TMEM51: variants seen among roughly 807,000 people sequenced by gnomAD.
TMEM51 encodes the protein transmembrane protein 51.
Under a neutral mutation model 13.6 loss-of-function variants are expected in TMEM51, and 8 were observed. The observed-to-expected ratio is 0.59, with a 90% confidence interval of 0.35 to 1.07. The LOEUF (loss-of-function observed/expected upper bound fraction) is 1.07. Ranked by LOEUF, TMEM51 falls within the 50% of genes least tolerant of loss-of-function variation. The pLI, the probability that TMEM51 is intolerant of heterozygous loss-of-function variation, is 0.02. For missense variants in TMEM51, 279 were observed against 330.7 expected, an observed-to-expected ratio of 0.84 and a Z score of 1.21; for synonymous variants, 147 against 144.4, an observed-to-expected ratio of 1.02 and a Z score of -0.13.
intron 1 of TMEM51, among the ~76,000 whole-genome samples, chr1:15,195,403 C>T (rs188884482): frequency 2.6e-5 from 4 of 152,178 alleles, no homozygotes; most frequent in East Asian, 3.9e-4. Flanking sequence ...TCCTGATAAG[C>T]CTTGGCAATC....
intron 1 of TMEM51, chr1:15,171,418 A>T: frequency 9.6e-7 from 1 of 1,045,568 alleles, no homozygotes; most frequent in South Asian, 1.6e-5. Flanking sequence ...GGGCATCGCC[A>T]CCTGGCCCTG....
At chr1:15,170,055 G>A (rs1643186499) in intron 1 of TMEM51, among the ~76,000 whole-genome samples, 1 of 152,118 alleles carries the variant, frequency 6.6e-6, no homozygotes, top group Non-Finnish European at 1.5e-5. Context: ...TCACTTTCTC[G>A]AAATGGGGAG....
chr1:15,196,394 A>ATG (rs57848538), intron 1 of TMEM51, among the ~76,000 whole-genome samples: 6 of 151,182 alleles, frequency 4.0e-5, no homozygotes, highest in African/African-American at 9.7e-5. Context: ...GTGTGTGTGC[A>ATG]TGTGTGTGTG....
chr1:15,204,648 G>T (rs1644217364), intron 1 of TMEM51, among the ~76,000 whole-genome samples: 1 of 152,228 alleles, frequency 6.6e-6, no homozygotes, highest in Non-Finnish European at 1.5e-5. Context: ...GACAGGCGCT[G>T]CCACTTACTA....
At position 15,202,829 on chromosome 1, in the gene TMEM51, G is replaced by A. The variant is rs530550361; in HGVS notation, c.-266-7661G>A. Among the ~76,000 whole-genome samples, 4 of 152,288 alleles carry A rather than the reference G, an allele frequency of 2.6e-5. No homozygotes were observed. In the South Asian group the frequency reaches 8.3e-4, roughly 32 times the overall value. ...TGAAGACCACGATTCAGCCTCCCAT[G>A]TGCCTGTTCCCAAATTCCAAGAAAC... On this transcript the variant is annotated intron_variant, in intron 1 of 3. Transcript: ENST00000376008.
chr1:15,211,362 T>C (rs4661607), intron 2 of TMEM51, among the ~76,000 whole-genome samples: 47,562 of 151,998 alleles, frequency 0.31, 7,722 homozygotes, highest in Non-Finnish European at 0.37. Flanking sequence ...TTTTTCACCC[T>C]GTCCCCAAGA....
chr1:15,205,061 A>C (rs1644225490), intron 1 of TMEM51, among the ~76,000 whole-genome samples: 1 of 152,116 alleles, frequency 6.6e-6, no homozygotes. Flanking sequence ...TTCCCAAGAA[A>C]TACTGAATGT....
Position 15,207,865 on chromosome 1 carries a change from C to T in TMEM51, c.-266-2625C>T, listed in dbSNP as rs1430243670. Among the ~76,000 whole-genome samples the T allele has an allele frequency of 2.6e-5, 4 of 152,166 alleles. No homozygotes were observed. The highest frequency in any genetic ancestry group is 6.5e-5 in the Admixed American group (1 of 15,286). ...ATGTTGCCGGCAAATTATTTGCATACGGATACAAGATTTGGGTATCTGGAT... is the reference window on the plus strand; with the variant it reads ...ATGTTGCCGGCAAATTATTTGCATATGGATACAAGATTTGGGTATCTGGAT... On this transcript the variant is annotated intron_variant, in intron 1 of 3. Transcript: ENST00000376008. The surrounding 1 kb of genome is among the most constrained non-coding windows in gnomAD (Gnocchi z 4.6).
At chr1:15,180,091 G>A (rs1643569131) in intron 1 of TMEM51, among the ~76,000 whole-genome samples, 1 of 152,204 alleles carries the variant, frequency 6.6e-6, no homozygotes, top group African/African-American at 2.4e-5. Flanking sequence ...TGTGGCCCAC[G>A]AGCATCTCCA....
chr1:15,204,701 G>A (rs1439668725), intron 1 of TMEM51, among the ~76,000 whole-genome samples: 1 of 152,218 alleles, frequency 6.6e-6, no homozygotes, highest in Non-Finnish European at 1.5e-5. Context: ...GTGCCTCAGC[G>A]TATTCCTTGA....
rs1642485723 is a variant in TMEM51, at chr1:15,153,865, G to A, written c.-356G>A. ...CAGCCCCGCGATCGCGGCGCCCACC[G>A]AGGAGGCCGCCCGGGTGGGGCGCGG... is the stretch of plus-strand genomic sequence containing the variant. On this transcript the variant is annotated 5_prime_UTR_variant, in exon 1 of 4. Transcript: ENST00000376008. The A allele has an allele frequency of 6.6e-6, 1 of 151,346 alleles. No homozygotes were observed. Among genetic ancestry groups the A allele is most frequent in the Admixed American group, 6.6e-5 (1 of 15,222 alleles). 9.4% of individuals were successfully genotyped at this position (151,346 alleles called of 1,614,324 possible).
At position 15,161,779 on chromosome 1, in the gene TMEM51, A is replaced by AT. The variant is rs1297727113; in HGVS notation, c.-267+7827dup. Among the ~76,000 whole-genome samples the AT allele has an allele frequency of 1.3e-5, 2 of 151,854 alleles. No individual in the cohort carries two copies. The highest frequency in any genetic ancestry group is 1.3e-4 in the Admixed American group (2 of 15,266). ...CCCAGTCTTTACTAAAAATACAAAA[A>AT]TTAGCCAGGCATGGTGGCGGGCACC... On this transcript the variant is annotated intron_variant, in intron 1 of 3. Transcript: ENST00000376008. The surrounding 1 kb of genome is among the most constrained non-coding windows in gnomAD (Gnocchi z 4.0).
At chr1:15,154,161 C>G (rs1642503738) in intron 1 of TMEM51, among the ~76,000 whole-genome samples, 1 of 152,122 alleles carries the variant, frequency 6.6e-6, no homozygotes, top group African/African-American at 2.4e-5. Context: ...GGGACGCTCC[C>G]GCCTCCCGGG....
chr1:15,202,014 G>T (rs776850317), intron 1 of TMEM51, among the ~76,000 whole-genome samples: 1 of 152,088 alleles, frequency 6.6e-6, no homozygotes, highest in Admixed American at 6.6e-5. Flanking sequence ...TTGTCCTGTC[G>T]TCAGCACTTT....
At chr1:15,211,825 C>A (rs1284411342) in intron 2 of TMEM51, among the ~76,000 whole-genome samples, 6 of 29,430 alleles carry the variant, frequency 2.0e-4, no homozygotes, top group Admixed American at 7.9e-4. Flanking sequence ...AAGGTGACCC[C>A]CCCCCCCCCC....
chr1:15,209,705 G>A (rs1644307589), intron 1 of TMEM51, among the ~76,000 whole-genome samples: 1 of 151,956 alleles, frequency 6.6e-6, no homozygotes, highest in African/African-American at 2.4e-5. Flanking sequence ...TGCATTCTTG[G>A]GATAAACCCA....
At chr1:15,169,677 T>C (rs539593550) in intron 1 of TMEM51, among the ~76,000 whole-genome samples, 3 of 152,164 alleles carry the variant, frequency 2.0e-5, no homozygotes, top group Non-Finnish European at 4.4e-5. Context: ...TAAAAGCCTA[T>C]GGTTTCTACA....
At chr1:15,164,231 C>G in intron 1 of TMEM51, 1 of 412,596 alleles carries the variant, frequency 2.4e-6, no homozygotes, top group Non-Finnish European at 4.9e-6. Context: ...CGCTGGATTT[C>G]CCACTGCATT....
chr1:15,190,000 C>A (rs1408846993), intron 1 of TMEM51, among the ~76,000 whole-genome samples: 1 of 152,240 alleles, frequency 6.6e-6, no homozygotes, highest in Admixed American at 6.5e-5. Flanking sequence ...GGGACAACCC[C>A]TCATCCCCTT....
Sources: allele counts gnomAD v4.1 joint callset (sites outside exome capture counted in the v4.1 genomes callset), GRCh38; gene constraint gnomAD v4.1.1; non-coding constraint Gnocchi (gnomAD v3.1); transcripts MANE v1.5; gene names NCBI Gene and HGNC (gene_info 2026-07-23, HGNC 2026-07-21).